CYB5R4: variants seen among roughly 807,000 people sequenced by gnomAD.
CYB5R4 encodes the protein cytochrome b5 reductase 4.
A neutral mutation model predicts 70.2 loss-of-function variants in CYB5R4; 55 were observed. The observed-to-expected ratio is 0.78, with a 90% CI of 0.63 to 0.98. CYB5R4 has a LOEUF of 0.98. Ranked by LOEUF, CYB5R4 falls within the 50% of genes least tolerant of loss-of-function variation. The pLI is 0.00. For synonymous variants in CYB5R4, 197 were observed against 199.5 expected (o/e 0.99, Z 0.11); for missense variants, 562 against 612.6 (o/e 0.92, Z 0.87).
chr6:83,952,383 C>G (rs2099471686), intron 14 of CYB5R4, among the ~76,000 whole-genome samples: 1 of 151,998 alleles, frequency 6.6e-6, no homozygotes, highest in South Asian at 2.1e-4. Flanking sequence ...CCATAGATAT[C>G]TAGTGAAAAG....
At chr6:83,931,803 A>T (rs571743943) in intron 10 of CYB5R4, among the ~76,000 whole-genome samples, 2,013 of 116,790 alleles carry the variant, frequency 0.017, 19 homozygotes, top group Non-Finnish European at 0.026. Context: ...ATATATATAT[A>T]TTTTTTTTTT....
intron 10 of CYB5R4, among the ~76,000 whole-genome samples, chr6:83,925,197 C>T (rs780179596): frequency 3.3e-5 from 5 of 152,054 alleles, no homozygotes; most frequent in Non-Finnish European, 7.4e-5. Context: ...GGAAAACAGG[C>T]ACATCTTACA....
intron 10 of CYB5R4, among the ~76,000 whole-genome samples, chr6:83,928,474 T>TTGA (rs1261184878): frequency 1.3e-5 from 2 of 152,136 alleles, no homozygotes; most frequent in African/African-American, 4.8e-5. Context: ...GAAGCAGTAT[T>TTGA]TTCAAAGTGA....
At chr6:83,890,404 T>C (rs1319663150) in intron 2 of CYB5R4, among the ~76,000 whole-genome samples, 1 of 152,066 alleles carries the variant, frequency 6.6e-6, no homozygotes, top group Non-Finnish European at 1.5e-5. Flanking sequence ...AACCCAAAGA[T>C]GTGACTGAAA....
intron 2 of CYB5R4, among the ~76,000 whole-genome samples, chr6:83,878,194 C>G (rs1409614596): frequency 6.6e-6 from 1 of 151,670 alleles, no homozygotes; most frequent in Non-Finnish European, 1.5e-5. Context: ...CTGGAAATTT[C>G]TCATCTGTTA....
chr6:83,959,039 G>GA (rs564843923), intron 15 of CYB5R4, among the ~76,000 whole-genome samples: 13 of 151,956 alleles, frequency 8.6e-5, no homozygotes, highest in Non-Finnish European at 1.3e-4. Flanking sequence ...GAATAAAGGG[G>GA]AAAAAAATCA....
intron 2 of CYB5R4, among the ~76,000 whole-genome samples, chr6:83,875,478 C>G (rs932843370): frequency 6.6e-6 from 1 of 152,148 alleles, no homozygotes; most frequent in Non-Finnish European, 1.5e-5. Context: ...GATTTCTGCA[C>G]TGTGGTCCCT....
chr6:83,898,594 G>T (rs1178173727), intron 3 of CYB5R4, among the ~76,000 whole-genome samples: 2 of 152,202 alleles, frequency 1.3e-5, no homozygotes, highest in Non-Finnish European at 2.9e-5. Flanking sequence ...TCCTACCCAC[G>T]AGCATGGAAT....
Position 83,912,191 on chromosome 6 carries a change from C to A in CYB5R4, c.413-2225C>A, listed in dbSNP as rs1417969924. On this transcript the variant is annotated intron_variant, in intron 4 of 15. Transcript: ENST00000369681. ...AGTTCTGCCTCCCATCTACTGTTTTCCTCTCCCATGCACACACCAAGGACA... is the reference window on the plus strand; with the variant it reads ...AGTTCTGCCTCCCATCTACTGTTTTACTCTCCCATGCACACACCAAGGACA... Among the ~76,000 whole-genome samples, 5 of 151,896 alleles carry A rather than the reference C, an allele frequency of 3.3e-5. No individual in the cohort carries two copies. In the South Asian group the frequency reaches 1.0e-3, roughly 31 times the overall value.
intron 2 of CYB5R4, among the ~76,000 whole-genome samples, chr6:83,875,383 C>CT (rs1347672572): frequency 6.6e-6 from 1 of 152,124 alleles, no homozygotes; most frequent in Non-Finnish European, 1.5e-5. Context: ...GTAGCTAGGA[C>CT]TACAGGATGT....
intron 2 of CYB5R4, 67 bp downstream of exon 2, chr6:83,864,395 C>T: frequency 7.3e-7 from 1 of 1,368,302 alleles, no homozygotes; most frequent in Non-Finnish European, 1.0e-6. Context: ...TGTTACATAA[C>T]CTCACAGTCA....
chr6:83,914,325 G>C (rs1396799470), intron 4 of CYB5R4, 91 bp from the exon 5 acceptor site: 1 of 1,343,222 alleles, frequency 7.4e-7, no homozygotes, highest in African/African-American at 1.5e-5. Flanking sequence ...AAAAAAGAAG[G>C]GATGTTATCT....
intron 2 of CYB5R4, among the ~76,000 whole-genome samples, chr6:83,870,529 AT>A (rs1389805026): frequency 2.0e-5 from 3 of 151,828 alleles, no homozygotes; most frequent in Admixed American, 1.3e-4. Context: ...TAGCAGGGAA[AT>A]TTTTCTACCT....
At chr6:83,934,928 A>G (rs1344680123) in intron 11 of CYB5R4, among the ~76,000 whole-genome samples, 193 bp downstream of exon 11, 1 of 152,230 alleles carries the variant, frequency 6.6e-6, no homozygotes, top group East Asian at 1.9e-4. Context: ...GTACCACATT[A>G]TCATATGGAA....
intron 3 of CYB5R4, among the ~76,000 whole-genome samples, chr6:83,897,824 T>G (rs1224321275): frequency 1.3e-5 from 2 of 152,308 alleles, no homozygotes; most frequent in East Asian, 1.9e-4. Context: ...TGCAGAAATT[T>G]TCTCCCATTC....
rs1296118744 is a variant in CYB5R4 at position 83,961,773 on chromosome 6, T to A, written c.*1895T>A. 6.6e-6 allele frequency: 1 copy of A among 152,062 alleles called. No individual in the cohort carries two copies. The highest frequency in any genetic ancestry group is 1.5e-5 in the Non-Finnish European group (1 of 67,994). 9.4% of individuals were successfully genotyped at this position (152,062 alleles called of 1,614,324 possible). A position where few individuals can be genotyped will look rare whatever the true frequency, so the allele number is the denominator to read the frequency against. ...AACTTAGCCAACATCTTTCTCATCT[T>A]TTCTAAGCCTCTTCTTTTTTCTCTC... On this transcript the variant is annotated 3_prime_UTR_variant, in exon 16 of 16. Transcript: ENST00000369681.
chr6:83,924,104 T>C (rs896822124), intron 9 of CYB5R4, among the ~76,000 whole-genome samples: 1 of 149,652 alleles, frequency 6.7e-6, no homozygotes, highest in Non-Finnish European at 1.5e-5. Context: ...TAAATTTGCT[T>C]TTGTGGGGGC....
chr6:83,948,086 C>T (rs2099470923), intron 14 of CYB5R4, among the ~76,000 whole-genome samples: 1 of 152,246 alleles, frequency 6.6e-6, no homozygotes, highest in East Asian at 1.9e-4. Context: ...TTTATTGCAG[C>T]ACTATTCACA....
intron 9 of CYB5R4, 42 bp downstream of exon 9, chr6:83,922,512 T>G (rs758154687): frequency 5.2e-6 from 7 of 1,340,580 alleles, no homozygotes; most frequent in Non-Finnish European, 7.4e-6. Flanking sequence ...TACGTACATA[T>G]ACACATACCT....
Sources: allele counts gnomAD v4.1 joint callset (sites outside exome capture counted in the v4.1 genomes callset), GRCh38; gene constraint gnomAD v4.1.1; transcripts MANE v1.5; gene names NCBI Gene and HGNC (gene_info 2026-07-23, HGNC 2026-07-21).